The following CDIN1 variants were observed in gnomAD, a reference collection of about 807,000 sequenced individuals.
CDIN1 encodes CDAN1-interacting nuclease 1.
CDIN1 carries 33 observed loss-of-function variants against 45.3 expected under a neutral mutation model. The ratio of observed to expected loss-of-function variants is 0.73; its 90% CI spans 0.55 to 0.97. The LOEUF is 0.97. Among genes scored for constraint, CDIN1 ranks in the 50% least tolerant of loss-of-function variants. The pLI, the probability that CDIN1 is intolerant of heterozygous loss-of-function variation, is 0.00. For missense variants in CDIN1, 303 were observed against 339.4 expected (o/e 0.89, Z 0.84); for synonymous variants, 118 against 124.4 (o/e 0.95, Z 0.34).
chr15:36,740,295 G>C (rs530968531), intron 10 of CDIN1, among the ~76,000 whole-genome samples: 3 of 152,236 alleles, frequency 2.0e-5, no homozygotes, highest in Non-Finnish European at 2.9e-5. Context: ...ATATGAGTGA[G>C]GTAGATGTGG....
intron 1 of CDIN1, among the ~76,000 whole-genome samples, chr15:36,640,256 G>T (rs2040053879): frequency 6.6e-6 from 1 of 152,062 alleles, no homozygotes; most frequent in Non-Finnish European, 1.5e-5. Context: ...AGGGGGCGTT[G>T]GGGGAGGTCA....
chr15:36,618,865 A>C, intron 1 of CDIN1: 1 of 973,258 alleles, frequency 1.0e-6, no homozygotes, highest in Middle Eastern at 3.0e-4. Flanking sequence ...CTACAAAGCC[A>C]TGGAGGGCAA....
At chr15:36,662,859 T>TG (rs1566878156) in intron 5 of CDIN1, among the ~76,000 whole-genome samples, 1 of 149,868 alleles carries the variant, frequency 6.7e-6, no homozygotes, top group African/African-American at 2.4e-5. Context: ...TTTTAGTTTT[T>TG]TTTTTTTTTT....
At chr15:36,750,757 C>T (rs768703636) in intron 10 of CDIN1, among the ~76,000 whole-genome samples, 1 of 152,032 alleles carries the variant, frequency 6.6e-6, no homozygotes, top group Admixed American at 6.6e-5. Context: ...TTGCCAGTTC[C>T]GAAACTTTTT....
intron 1 of CDIN1, among the ~76,000 whole-genome samples, chr15:36,623,462 A>C (rs992828336): frequency 6.6e-6 from 1 of 152,256 alleles, no homozygotes; most frequent in African/African-American, 2.4e-5. Context: ...ATGAACTCAG[A>C]TCTGCCAAGT....
chr15:36,688,889 G>A (rs1056484484), intron 5 of CDIN1, among the ~76,000 whole-genome samples: 2 of 152,230 alleles, frequency 1.3e-5, no homozygotes, highest in Non-Finnish European at 2.9e-5. Flanking sequence ...GGAAAGAGCT[G>A]TGTGTGTTTG....
chr15:36,688,065 T>G (rs1332313976), intron 5 of CDIN1, among the ~76,000 whole-genome samples: 1 of 151,926 alleles, frequency 6.6e-6, no homozygotes, highest in Non-Finnish European at 1.5e-5. Context: ...AATAAAAAAT[T>G]GAAAATGAAT....
At position 36,677,763 on chromosome 15, in the gene CDIN1, C is replaced by A. The variant is rs545022270; in HGVS notation, c.347-13922C>A. Among the ~76,000 whole-genome samples, 5 of 152,148 alleles carry A rather than the reference C, an allele frequency of 3.3e-5. No homozygotes were observed. The South Asian group carries it at 1.0e-3, about 32-fold the overall frequency. Reference sequence around the variant, plus strand: ...TTTAATGGAGGAGGTAAACATTGAACCAGGCCTCAAAGTTTTAGCCAAAGG... The same window carrying A: ...TTTAATGGAGGAGGTAAACATTGAAACAGGCCTCAAAGTTTTAGCCAAAGG... On this transcript the variant is annotated intron_variant, in intron 5 of 10. Transcript: ENST00000566621.
intron 1 of CDIN1, among the ~76,000 whole-genome samples, chr15:36,600,521 A>G (rs116948692): frequency 4.6e-5 from 7 of 152,344 alleles, no homozygotes; most frequent in East Asian, 1.9e-4. Flanking sequence ...ATCTACCATG[A>G]TCAATCAAAT....
chr15:36,602,586 G>A lies in CDIN1; in HGVS notation c.101+22625G>A, dbSNP rs16963667. 8.3e-3 allele frequency among the ~76,000 whole-genome samples: 1,257 copies of A among 152,252 alleles called. 29 individuals are homozygous for A. The highest frequency in any genetic ancestry group is 0.028 in the African/African-American group (1,162 of 41,542). On this transcript the variant is annotated intron_variant, in intron 1 of 10. Coordinates refer to ENST00000566621, the MANE Select transcript of CDIN1 (RefSeq NM_001321759.2). ...ATTGTATTTATCTGTGTTTCTAGACGTGGTGGCCACCCTGTATTTTGGTGA... is the reference window on the plus strand; with the variant it reads ...ATTGTATTTATCTGTGTTTCTAGACATGGTGGCCACCCTGTATTTTGGTGA...
Position 36,682,013 on chromosome 15 carries a change from A to T in CDIN1, c.347-9672A>T, listed in dbSNP as rs150401816. ...AAATTTAAATAAACGTTGAGTGTTTAAAAAAATGGAAATCAACTCTTAGAG... is the reference window on the plus strand; with the variant it reads ...AAATTTAAATAAACGTTGAGTGTTTTAAAAAATGGAAATCAACTCTTAGAG... On this transcript the variant is annotated intron_variant, in intron 5 of 10. Transcript: ENST00000566621. 6.9e-3 allele frequency among the ~76,000 whole-genome samples: 1,058 copies of T among 152,278 alleles called. 15 individuals carry two copies. The highest frequency in any genetic ancestry group is 0.024 in the African/African-American group (984 of 41,560).
chr15:36,679,298 T>TTA (rs1050666077), intron 5 of CDIN1, among the ~76,000 whole-genome samples: 3 of 152,214 alleles, frequency 2.0e-5, no homozygotes, highest in African/African-American at 7.2e-5. Context: ...GGCCCTGACT[T>TTA]TATAAACATC....
At chr15:36,656,388 C>G (rs2040784663) in intron 4 of CDIN1, among the ~76,000 whole-genome samples, 1 of 152,022 alleles carries the variant, frequency 6.6e-6, no homozygotes, top group Non-Finnish European at 1.5e-5. Context: ...ATGTGGTCAT[C>G]ATTGATTTTA....
intron 10 of CDIN1, among the ~76,000 whole-genome samples, chr15:36,764,954 G>A (rs2053873238): frequency 6.6e-6 from 1 of 152,150 alleles, no homozygotes; most frequent in Non-Finnish European, 1.5e-5. Context: ...ATGGCAAAGC[G>A]AGAAGGTAGT....
At chr15:36,656,600 C>T (rs932444414) in intron 4 of CDIN1, among the ~76,000 whole-genome samples, 1 of 152,018 alleles carries the variant, frequency 6.6e-6, no homozygotes, top group Non-Finnish European at 1.5e-5. Context: ...GAAAGATGGA[C>T]ACATGATTAA....
intron 10 of CDIN1, among the ~76,000 whole-genome samples, chr15:36,806,956 C>T (rs902144259): frequency 5.9e-5 from 9 of 152,160 alleles, no homozygotes; most frequent in Non-Finnish European, 1.0e-4. Flanking sequence ...AGAACATCTG[C>T]AGCTGATAAA....
intron 5 of CDIN1, among the ~76,000 whole-genome samples, chr15:36,686,441 G>A (rs757703625): frequency 1.5e-4 from 22 of 150,240 alleles, no homozygotes; most frequent in South Asian, 6.4e-4. Flanking sequence ...GATATCATTG[G>A]GAGATATACC....
rs181878298 is a variant in CDIN1 at position 36,673,922 on chromosome 15, G to T, written c.346+16017G>T. ...GTGGGATGTTTAAGAAATTAGGTGA[G>T]AATGAGATTTTTTTTTCCTGAAAGT... On this transcript the variant is annotated intron_variant, in intron 5 of 10. Coordinates refer to ENST00000566621, the MANE Select transcript of CDIN1 (RefSeq NM_001321759.2). Among the ~76,000 whole-genome samples, 5 of 152,156 alleles carry T rather than the reference G, an allele frequency of 3.3e-5. No homozygotes were observed. The East Asian group carries it at 9.6e-4, about 29-fold the overall frequency.
intron 5 of CDIN1, among the ~76,000 whole-genome samples, chr15:36,658,995 A>G (rs1252700004): frequency 6.6e-6 from 1 of 152,288 alleles, no homozygotes; most frequent in East Asian, 1.9e-4. Flanking sequence ...TCAGAATGGT[A>G]TGGTTTCGAT....
Sources: gnomAD v4.1 joint callset for allele counts (sites outside exome capture counted in the v4.1 genomes callset) on GRCh38, gnomAD v4.1.1 for gene constraint, MANE v1.5 for transcripts, NCBI Gene and HGNC (gene_info 2026-07-23, HGNC 2026-07-21) for gene names.